The following TTLL7 variants were observed in gnomAD, a reference collection of about 807,000 sequenced individuals.
TTLL7 encodes tubulin polyglutamylase TTLL7.
A neutral mutation model predicts 120.2 loss-of-function variants in TTLL7; 53 were observed. The ratio of observed to expected loss-of-function variants is 0.44; its 90% CI spans 0.35 to 0.55. The LOEUF is 0.55. Among genes scored for constraint, TTLL7 ranks in the 20% least tolerant of loss-of-function variants. TTLL7 has a pLI of 0.00. For missense variants in TTLL7, 803 were observed against 1,054.7 expected (o/e 0.76, Z 3.31); for synonymous variants, 353 against 351.7 (o/e 1.00, Z -0.04).
intron 1 of TTLL7, among the ~76,000 whole-genome samples, chr1:83,974,645 G>A (rs1482139479): frequency 1.3e-5 from 2 of 151,972 alleles, no homozygotes; most frequent in African/African-American, 2.4e-5. Context: ...CTATTTGTTG[G>A]TTAATGTTCA....
intron 14 of TTLL7, among the ~76,000 whole-genome samples, chr1:83,917,051 T>C (rs1658252093): frequency 6.7e-6 from 1 of 148,444 alleles, no homozygotes; most frequent in Non-Finnish European, 1.5e-5. Flanking sequence ...CAGTGAGGTA[T>C]GAACATACCA....
intron 14 of TTLL7, 49 bp downstream of exon 14, chr1:83,917,555 G>A: frequency 7.7e-7 from 1 of 1,306,474 alleles, no homozygotes; most frequent in Non-Finnish European, 1.1e-6. Flanking sequence ...AGTATCAAGG[G>A]CTAGTAGCAT....
intron 1 of TTLL7, among the ~76,000 whole-genome samples, chr1:83,968,557 T>A (rs558137084): frequency 6.6e-6 from 1 of 152,054 alleles, no homozygotes; most frequent in East Asian, 1.9e-4. Flanking sequence ...TAGAAAAAAA[T>A]ATATGTGTTG....
chr1:83,950,054 T>G, intron 3 of TTLL7, 68 bp from the exon 4 acceptor site: 3 of 1,353,858 alleles, frequency 2.2e-6, no homozygotes, highest in South Asian at 2.7e-5. Flanking sequence ...GCAGAAACAT[T>G]TTTCTATCTA....
At chr1:83,892,947 A>C (rs1421592067) in intron 18 of TTLL7, among the ~76,000 whole-genome samples, 1 of 116,354 alleles carries the variant, frequency 8.6e-6, no homozygotes, top group African/African-American at 5.1e-5. Context: ...AGAAAGAAAG[A>C]AAGAAAAGAA....
chr1:83,871,945 C>T (rs1421812925), intron 20 of TTLL7, among the ~76,000 whole-genome samples: 2 of 148,548 alleles, frequency 1.3e-5, no homozygotes, highest in African/African-American at 5.0e-5. Flanking sequence ...AGGGATAGTA[C>T]CATATTCCCA....
intron 18 of TTLL7, among the ~76,000 whole-genome samples, chr1:83,896,585 C>T (rs1030145753): frequency 1.3e-5 from 2 of 152,136 alleles, no homozygotes; most frequent in East Asian, 3.9e-4. Flanking sequence ...TGATGCAAAA[C>T]GAACAGCTCT....
At chr1:83,884,770 GC>G (rs1654841915) in intron 19 of TTLL7, among the ~76,000 whole-genome samples, 1 of 150,708 alleles carries the variant, frequency 6.6e-6, no homozygotes, top group Non-Finnish European at 1.5e-5. Context: ...TATACCTAAT[GC>G]TAAATGACGA....
intron 1 of TTLL7, among the ~76,000 whole-genome samples, chr1:83,954,893 G>T (rs1649376454): frequency 6.8e-6 from 1 of 148,134 alleles, no homozygotes; most frequent in Admixed American, 6.7e-5. Flanking sequence ...AAAAAAATTT[G>T]ACGGTGAGCA....
At chr1:83,961,398 T>G (rs181684486) in intron 1 of TTLL7, among the ~76,000 whole-genome samples, 2 of 152,062 alleles carry the variant, frequency 1.3e-5, no homozygotes, top group Non-Finnish European at 2.9e-5. Flanking sequence ...AAATGTATAG[T>G]ATGTGTAATT....
rs1490639734 is a variant in TTLL7 at position 83,923,130 on chromosome 1, C to T, written c.1143-1736G>A. ...AAAGGAAATGCCATGGTTTAGGTAA[C>T]TCTTTAACTTTTGAATTTTTTCATT... On this transcript the variant is annotated intron_variant, in intron 10 of 20. Transcript: ENST00000260505. 2.7e-5 allele frequency among the ~76,000 whole-genome samples: 4 copies of T among 150,422 alleles called. No individual in the cohort carries two copies. The South Asian group carries it at 6.2e-4, about 23-fold the overall frequency.
At chr1:83,907,772 T>C in intron 15 of TTLL7, 111 bp from the exon 16 acceptor site, 1 of 951,622 alleles carries the variant, frequency 1.1e-6, no homozygotes, top group Non-Finnish European at 1.6e-6. Flanking sequence ...AAAGTAGCAA[T>C]AAATGTCAAA....
chr1:83,913,646 A>T (rs1444907778), intron 14 of TTLL7, among the ~76,000 whole-genome samples: 1 of 152,330 alleles, frequency 6.6e-6, no homozygotes, highest in South Asian at 2.1e-4. Context: ...TCTACTTCAG[A>T]CTGATTATGC....
At chr1:83,959,421 T>C (rs1368063576) in intron 1 of TTLL7, among the ~76,000 whole-genome samples, 1 of 152,244 alleles carries the variant, frequency 6.6e-6, no homozygotes, top group African/African-American at 2.4e-5. Flanking sequence ...AAGTAATGAC[T>C]GGAGGAGAAA....
intron 3 of TTLL7, among the ~76,000 whole-genome samples, chr1:83,951,271 C>T (rs1344435302): frequency 6.6e-6 from 1 of 151,914 alleles, no homozygotes; most frequent in South Asian, 2.1e-4. Context: ...ATGGCGTGAA[C>T]CCGGGAGACG....
intron 18 of TTLL7, among the ~76,000 whole-genome samples, chr1:83,899,177 A>G (rs984003551): frequency 4.0e-5 from 6 of 151,890 alleles, no homozygotes; most frequent in African/African-American, 1.4e-4. Flanking sequence ...GAATAAGGGG[A>G]AGAATGTCAT....
chr1:83,964,116 C>T (rs1650245149), intron 1 of TTLL7, among the ~76,000 whole-genome samples: 1 of 151,934 alleles, frequency 6.6e-6, no homozygotes, highest in Admixed American at 6.6e-5. Flanking sequence ...ACGTGAAGGC[C>T]CTCTCCAAAG....
chr1:83,993,989 G>A lies in TTLL7; in HGVS notation c.-177+4942C>T, dbSNP rs559996331. Among the ~76,000 whole-genome samples, 11 of 152,292 alleles carry A rather than the reference G, an allele frequency of 7.2e-5. No individual in the cohort carries two copies. In the South Asian group the frequency reaches 2.3e-3, roughly 32 times the overall value. The stretch of plus-strand genomic sequence containing the variant: ...TATTTGCTAAGCTCACTTCAACTTT[G>A]ACAGATAATGCCTGAGAGAAATGGA... On this transcript the variant is annotated intron_variant, in intron 1 of 20. Transcript: ENST00000260505.
intron 1 of TTLL7, among the ~76,000 whole-genome samples, chr1:83,978,194 G>A (rs988142787): frequency 6.6e-6 from 1 of 152,176 alleles, no homozygotes; most frequent in African/African-American, 2.4e-5. Context: ...GGCAGCTGCT[G>A]AGGTAGACCA....
Sources: allele counts gnomAD v4.1 joint callset (sites outside exome capture counted in the v4.1 genomes callset), GRCh38; gene constraint gnomAD v4.1.1; transcripts MANE v1.5; gene names NCBI Gene and HGNC (gene_info 2026-07-23, HGNC 2026-07-21).